The following C15orf40 variants were observed in gnomAD, a reference collection of about 807,000 sequenced individuals.
C15orf40 encodes chromosome 15 open reading frame 40, also known as UPF0235 protein C15orf40.
In C15orf40, 9 loss-of-function variants were observed where a neutral mutation model predicts 13.9. The observed-to-expected ratio is 0.65, with a 90% CI of 0.39 to 1.13. The LOEUF is 1.13. Ranked by LOEUF, C15orf40 falls within the 50% of genes most tolerant of loss-of-function variation. The pLI is 0.01. For synonymous variants in C15orf40, 95 were observed against 69.2 expected, an observed-to-expected ratio of 1.37 and a Z score of -1.85; for missense variants, 225 against 188.5, an observed-to-expected ratio of 1.19 and a Z score of -1.13.
At chr15:83,011,249 G>A (rs1239070619) in intron 1 of C15orf40, 6 of 426,278 alleles carry the variant, frequency 1.4e-5, no homozygotes, top group Non-Finnish European at 2.5e-5. Flanking sequence ...GCAGCCCAAG[G>A]AGAGCTCGGC....
chr15:83,006,160 G>A (rs1028267661), intron 3 of C15orf40, among the ~76,000 whole-genome samples: 5 of 151,814 alleles, frequency 3.3e-5, no homozygotes, highest in Non-Finnish European at 5.9e-5. Flanking sequence ...GAACCCAGGA[G>A]GCAGAGGCTG....
intron 2 of C15orf40, 117 bp downstream of exon 2, chr15:83,010,120 A>G: frequency 1.5e-6 from 2 of 1,356,676 alleles, no homozygotes; most frequent in Non-Finnish European, 1.0e-6. Context: ...AGAAGCCTCT[A>G]ACTGCAGATG....
Position 83,001,266 on chromosome 15 carries a change from G to A in C15orf40, c.*4331C>T. 1 of 985,444 alleles carries A rather than the reference G, an allele frequency of 1.0e-6. No homozygotes were observed. The allele number at this position is 985,444 out of a possible 1,614,324, so 61.0% of individuals were successfully genotyped here. A position where few individuals can be genotyped will look rare whatever the true frequency, so the allele number is the denominator to read the frequency against. On this transcript the variant is annotated 3_prime_UTR_variant, in exon 4 of 4. Coordinates refer to ENST00000304177, the MANE Select transcript of C15orf40 (RefSeq NM_144597.3). ...AATGAGCCAGGCTGTTCTTTCCCAG[G>A]ATCTGTCGAAGTACAGCATAGGCAA...
Position 83,011,540 on chromosome 15 carries a change from A to T in C15orf40, c.68T>A (p.Leu23His), listed in dbSNP as rs371852982. 3.1e-6 allele frequency: 5 copies of T among 1,605,980 alleles called. No individual in the cohort carries two copies. Among genetic ancestry groups the T allele is most frequent in the Non-Finnish European group, 4.2e-6 (5 of 1,178,208 alleles). Residue 23 changes from leucine to histidine, a missense_variant, in exon 1 of 4, where the codon CTT becomes CAT. Physicochemically the swap from Leu to His is moderately conservative, Grantham distance 99. Transcript: ENST00000304177. ...CTTCTTAGGCATCTCGGCGCAAAGA[A>T]GCCGAGCGGAGCCCCGAGTATTGGG... Reference protein sequence around the residue: ...ATPNTRGSARLLCAEMPKKAG... With the variant: ...ATPNTRGSARHLCAEMPKKAG...
downstream of C15orf40, among the ~76,000 whole-genome samples, chr15:82,994,305 A>G (rs1416969969): frequency 3.2e-4 from 49 of 152,270 alleles, no homozygotes; most frequent in Non-Finnish European, 2.9e-5. Flanking sequence ...AACTCTCATA[A>G]AAGAACTCTA....
rs771347862 is a variant in C15orf40 at position 83,008,679 on chromosome 15, G to T, written c.239-4C>A. On this transcript the variant is annotated splice_region_variant and splice_polypyrimidine_tract_variant and intron_variant, in intron 2 of 3. Transcript: ENST00000304177. ...TTTACAGCCTCTGCTGTCAAATCTG[G>T]AATGAAAATAGTGTGGACTTTATCC... The T allele has an allele frequency of 1.3e-6, 2 of 1,599,730 alleles. No homozygotes were observed. The highest frequency in any genetic ancestry group is 1.3e-5 in the African/African-American group (1 of 74,080).
At position 83,001,205 on chromosome 15, in the gene C15orf40, A is replaced by C; in HGVS notation, c.*4392T>G. 1.0e-6 allele frequency: 1 copy of C among 985,458 alleles called. No individual in the cohort carries two copies. Among genetic ancestry groups the C allele is most frequent in the Non-Finnish European group, 1.2e-6 (1 of 829,950 alleles). 61.0% of individuals were successfully genotyped at this position (985,458 alleles called of 1,614,324 possible). Reference sequence around the variant, plus strand: ...AAGTGTGGAATGGCTCACAGAAATCAGAAGTCTGAAATCTCTGCTCCTGCC... The same window carrying C: ...AAGTGTGGAATGGCTCACAGAAATCCGAAGTCTGAAATCTCTGCTCCTGCC... On this transcript the variant is annotated 3_prime_UTR_variant, in exon 4 of 4. Coordinates refer to ENST00000304177, the MANE Select transcript of C15orf40 (RefSeq NM_144597.3).
chr15:82,990,907 G>C, downstream of C15orf40: 2 of 383,840 alleles, frequency 5.2e-6, no homozygotes, highest in Non-Finnish European at 9.4e-6. Flanking sequence ...TTCACTTCCA[G>C]ATGCATACCT....
At chr15:83,011,285 T>C in intron 1 of C15orf40, 1 of 499,198 alleles carries the variant, frequency 2.0e-6, no homozygotes, top group Non-Finnish European at 3.4e-6. Flanking sequence ...CGCTCAGAAA[T>C]CACCAGGTGG....
intron 3 of C15orf40, 108 bp downstream of exon 3, chr15:83,008,440 A>C (rs1212885064): frequency 8.7e-7 from 1 of 1,146,194 alleles, no homozygotes; most frequent in Non-Finnish European, 1.3e-6. Context: ...AATAGCTTGA[A>C]CCCAGGAGGT....
At chr15:83,005,770 T>C in intron 3 of C15orf40, 78 bp from the exon 4 acceptor site, 3 of 1,499,656 alleles carry the variant, frequency 2.0e-6, no homozygotes, top group Non-Finnish European at 2.7e-6. Flanking sequence ...CTCCGTTGTA[T>C]AATGGGCTCT....
In C15orf40 at chr15:83,005,069, T is replaced by A; in HGVS notation, c.*528A>T. 1 of 1,197,054 alleles carries A rather than the reference T, an allele frequency of 8.4e-7. No individual in the cohort carries two copies. Among genetic ancestry groups the A allele is most frequent in the Non-Finnish European group, 1.1e-6 (1 of 930,984 alleles). The allele number at this position is 1,197,054 out of a possible 1,614,324, so 74.2% of individuals were successfully genotyped here. On this transcript the variant is annotated 3_prime_UTR_variant, in exon 4 of 4. Coordinates refer to ENST00000304177, the MANE Select transcript of C15orf40 (RefSeq NM_144597.3). The stretch of plus-strand genomic sequence containing the variant: ...CCAGCTCTGTTATTTTACAACGCCA[T>A]GAAATCAGAGTAACATGTTCCAGGC...
chr15:83,004,317 G>T lies in C15orf40; in HGVS notation c.*1280C>A. Reference sequence around the variant, plus strand: ...ATTATTGTTCTTCCTTGTGGATTTTGTTTTTAATGATTTGGTCCATCAATA... The same window carrying T: ...ATTATTGTTCTTCCTTGTGGATTTTTTTTTTAATGATTTGGTCCATCAATA... On this transcript the variant is annotated 3_prime_UTR_variant, in exon 4 of 4. Coordinates refer to ENST00000304177, the MANE Select transcript of C15orf40 (RefSeq NM_144597.3). The T allele has an allele frequency of 1.0e-6, 1 of 985,258 alleles. No individual in the cohort carries two copies. The highest frequency in any genetic ancestry group is 1.2e-6 in the Non-Finnish European group (1 of 829,834). The allele number at this position is 985,258 out of a possible 1,614,324, so 61.0% of individuals were successfully genotyped here.
At chr15:82,989,162 T>C (rs751792421), downstream of C15orf40, 1 of 1,613,038 alleles carries the variant, frequency 6.2e-7, no homozygotes, top group Admixed American at 1.7e-5. Context: ...GCAGAGCTGG[T>C]GGGAACCAAA....
rs1333707582 is a variant in C15orf40, at chr15:82,998,180, A to C, written c.*7417T>G. On this transcript the variant is annotated 3_prime_UTR_variant, in exon 4 of 4. Coordinates refer to ENST00000304177, the MANE Select transcript of C15orf40 (RefSeq NM_144597.3). The stretch of plus-strand genomic sequence containing the variant: ...TGGCCGGGCGGGGGGCTGACCCCCC[A>C]CCTCCCTCCCGGACGGCACGGCTGG... 1 of 114,962 alleles carries C rather than the reference A, an allele frequency of 8.7e-6. No individual in the cohort carries two copies. The allele number at this position is 114,962 out of a possible 1,614,324, so 7.1% of individuals were successfully genotyped here.
chr15:83,004,314 TTTG>T lies in C15orf40; in HGVS notation c.*1280_*1282del. 9.1e-6 allele frequency: 9 copies of T among 985,364 alleles called. No homozygotes were observed. Among genetic ancestry groups the T allele is most frequent in the Non-Finnish European group, 9.6e-6 (8 of 829,886 alleles). The allele number at this position is 985,364 out of a possible 1,614,324, so 61.0% of individuals were successfully genotyped here. A position where few individuals can be genotyped will look rare whatever the true frequency, so the allele number is the denominator to read the frequency against. The stretch of plus-strand genomic sequence containing the variant: ...TTTATTATTGTTCTTCCTTGTGGAT[TTTG>T]TTTTTAATGATTTGGTCCATCAATA... On this transcript the variant is annotated 3_prime_UTR_variant, in exon 4 of 4. Coordinates refer to ENST00000304177, the MANE Select transcript of C15orf40 (RefSeq NM_144597.3).
At position 83,005,036 on chromosome 15, in the gene C15orf40, T is replaced by G; in HGVS notation, c.*561A>C. On this transcript the variant is annotated 3_prime_UTR_variant, in exon 4 of 4. Transcript: ENST00000304177. ...AGGTGTTAAATCAGGTCATCTTGAA[T>G]ATTCTTCCCAGCTCTGTTATTTTAC... The G allele has an allele frequency of 8.1e-7, 1 of 1,227,696 alleles. No individual in the cohort carries two copies. The highest frequency in any genetic ancestry group is 2.3e-4 in the Middle Eastern group (1 of 4,414). 76.1% of individuals were successfully genotyped at this position (1,227,696 alleles called of 1,614,324 possible). A position where few individuals can be genotyped will look rare whatever the true frequency, so the allele number is the denominator to read the frequency against.
chr15:83,010,370 T>C lies in C15orf40; in HGVS notation c.112-7A>G, dbSNP rs773316651. 1.2e-6 allele frequency: 2 copies of C among 1,613,962 alleles called. No individual in the cohort carries two copies. The highest frequency in any genetic ancestry group is 1.7e-6 in the Non-Finnish European group (2 of 1,179,974). The stretch of plus-strand genomic sequence containing the variant: ...CCTTGCTCTGGCTTTTACCCTAAAA[T>C]GACAACCACACAACTTTACAGGTTA... On this transcript the variant is annotated splice_region_variant and splice_polypyrimidine_tract_variant and intron_variant, in intron 1 of 3. Coordinates refer to ENST00000304177, the MANE Select transcript of C15orf40 (RefSeq NM_144597.3).
downstream of C15orf40, chr15:82,990,703 G>A (rs1245280292): frequency 6.9e-7 from 1 of 1,453,618 alleles, no homozygotes; most frequent in Non-Finnish European, 9.4e-7. Context: ...TTGATCTGGT[G>A]GTGGTTGGGA....
Sources: gnomAD v4.1 joint callset for allele counts (sites outside exome capture counted in the v4.1 genomes callset) on GRCh38, gnomAD v4.1.1 for gene constraint, MANE v1.5 for transcripts, NCBI Gene and HGNC (gene_info 2026-07-23, HGNC 2026-07-21) for gene names.